RAPH1: variants seen among roughly 807,000 people sequenced by gnomAD.
RAPH1 encodes ras-associated and pleckstrin homology domains-containing protein 1.
RAPH1 carries 18 observed loss-of-function variants against 88.1 expected under a neutral mutation model. That is an observed-to-expected ratio of 0.20 (90% confidence interval 0.14 to 0.30). The LOEUF is 0.30. Among genes scored for constraint, RAPH1 ranks in the 10% least tolerant of loss-of-function variants. The probability of loss-of-function intolerance (pLI) is 1.00; values close to 1 mark genes in which losing one functional copy is unlikely to be tolerated. For synonymous variants in RAPH1, 587 were observed against 559.0 expected (o/e 1.05, Z -0.71); for missense variants, 1,448 against 1,543.2 (o/e 0.94, Z 1.03).
intron 1 of RAPH1, 63 bp from the exon 2 acceptor site, chr2:203,495,416 CCA>C: frequency 6.5e-7 from 1 of 1,535,884 alleles, no homozygotes; most frequent in Admixed American, 1.7e-5. Context: ...AAAAATTATG[CCA>C]TATATGCTCT....
At position 203,436,239 on chromosome 2, in the gene RAPH1, T is replaced by C. The variant is rs2098498391; in HGVS notation, c.*3198A>G. 1 of 152,244 alleles carries C rather than the reference T, an allele frequency of 6.6e-6. No homozygotes were observed. 9.4% of individuals were successfully genotyped at this position (152,244 alleles called of 1,614,324 possible). On this transcript the variant is annotated 3_prime_UTR_variant, in exon 14 of 14. Transcript: ENST00000319170. Reference sequence around the variant, plus strand: ...GAGGACTATAAAACGCCATGTTTACTTTGTTTGAAATTTTCTGATGAAAAG... The same window carrying C: ...GAGGACTATAAAACGCCATGTTTACCTTGTTTGAAATTTTCTGATGAAAAG...
chr2:203,534,481 C>G (rs193065144), intron 1 of RAPH1, among the ~76,000 whole-genome samples: 3 of 135,072 alleles, frequency 2.2e-5, no homozygotes, highest in Non-Finnish European at 4.6e-5. Flanking sequence ...CATCCTAATA[C>G]TATCACACTG....
Position 203,530,151 on chromosome 2 carries a change from G to A in RAPH1, c.-1+4960C>T, listed in dbSNP as rs1225311971. 2.0e-5 allele frequency among the ~76,000 whole-genome samples: 3 copies of A among 152,246 alleles called. No homozygotes were observed. The East Asian group carries it at 5.8e-4, about 29-fold the overall frequency. ...TATAGTTTAAGACATCTGCCTTAAA[G>A]CATGAAAAATACCTTAATAGCAAGA... is the stretch of plus-strand genomic sequence containing the variant. On this transcript the variant is annotated intron_variant, in intron 1 of 13. Coordinates refer to ENST00000319170, the MANE Select transcript of RAPH1 (RefSeq NM_213589.3).
At chr2:203,510,396 T>A (rs1689284941) in intron 1 of RAPH1, among the ~76,000 whole-genome samples, 1 of 131,798 alleles carries the variant, frequency 7.6e-6, no homozygotes, top group Non-Finnish European at 1.6e-5. Context: ...TAGGAAGTAA[T>A]CCCTTACCAA....
Position 203,506,877 on chromosome 2 carries a change from TATAGATATATA to T in RAPH1, c.1-11535_1-11525del, listed in dbSNP as rs1689102298. On this transcript the variant is annotated intron_variant, in intron 1 of 13. Transcript: ENST00000319170. Reference sequence around the variant, plus strand: ...ATATCTATATATATATATATATATATATAGATATATATATATATATATTTTTTTTTTTTTTG... The same window carrying T: ...ATATCTATATATATATATATATATATTATATATATATTTTTTTTTTTTTTG... 1.9e-4 allele frequency among the ~76,000 whole-genome samples: 18 copies of T among 93,374 alleles called. 1 individual carries two copies. Among genetic ancestry groups the T allele is most frequent in the African/African-American group, 8.5e-4 (18 of 21,074 alleles). 61.3% of individuals were successfully genotyped at this position (93,374 alleles called of 152,430 possible).
In RAPH1 at chr2:203,506,842, A is replaced by ATC. The variant is rs1174789704; in HGVS notation, c.1-11490_1-11489insGA. On this transcript the variant is annotated intron_variant, in intron 1 of 13. Coordinates refer to ENST00000319170, the MANE Select transcript of RAPH1 (RefSeq NM_213589.3). ...TATCTATATATATATCTATATCTAT[A>ATC]TATCTATCTATATCTATATATATAT... Among the ~76,000 whole-genome samples, 59 of 48,614 alleles carry ATC rather than the reference A, an allele frequency of 1.2e-3. 1 individual carries two copies. The highest frequency in any genetic ancestry group is 2.1e-3 in the Non-Finnish European group (47 of 22,470). 31.9% of individuals were successfully genotyped at this position (48,614 alleles called of 152,430 possible).
At chr2:203,518,974 A>G (rs962167603) in intron 1 of RAPH1, among the ~76,000 whole-genome samples, 9 of 152,226 alleles carry the variant, frequency 5.9e-5, no homozygotes, top group African/African-American at 2.2e-4. Flanking sequence ...CAATCTGAAT[A>G]GGCCTGTACC....
intron 2 of RAPH1, among the ~76,000 whole-genome samples, chr2:203,494,772 G>T (rs907995454): frequency 7.0e-6 from 1 of 142,766 alleles, no homozygotes; most frequent in African/African-American, 2.6e-5. Context: ...TTGCGCCACT[G>T]CACTCCAGCC....
Position 203,437,243 on chromosome 2 carries a change from T to C in RAPH1, c.*2194A>G, listed in dbSNP as rs1184229586. On this transcript the variant is annotated 3_prime_UTR_variant, in exon 14 of 14. Transcript: ENST00000319170. Reference sequence around the variant, plus strand: ...AAAAAAGGTTAGCGGGTACATTTTTTCCCCCTCAAGAAAAACTGAAGTGTT... The same window carrying C: ...AAAAAAGGTTAGCGGGTACATTTTTCCCCCCTCAAGAAAAACTGAAGTGTT... 1.3e-5 allele frequency: 2 copies of C among 152,126 alleles called. No individual in the cohort carries two copies. Among genetic ancestry groups the C allele is most frequent in the East Asian group, 1.9e-4 (1 of 5,200 alleles). The allele number at this position is 152,126 out of a possible 1,614,324, so 9.4% of individuals were successfully genotyped here.
chr2:203,521,395 T>TA (rs1283805768), intron 1 of RAPH1, among the ~76,000 whole-genome samples: 2 of 152,172 alleles, frequency 1.3e-5, no homozygotes, highest in African/African-American at 4.8e-5. Flanking sequence ...ATATTGTTTA[T>TA]ATAAAATTCA....
At chr2:203,489,347 A>G (rs1405513444) in intron 4 of RAPH1, among the ~76,000 whole-genome samples, 1 of 152,214 alleles carries the variant, frequency 6.6e-6, no homozygotes, top group East Asian at 1.9e-4. Context: ...GCCATTCAAG[A>G]ACTTCCAAAT....
rs2098511629 is a variant in RAPH1 at position 203,448,121 on chromosome 2, A to AG, written c.1513-43dup. On this transcript the variant is annotated intron_variant, in intron 11 of 13. Transcript: ENST00000319170. The surrounding 1 kb of genome is among the most constrained non-coding windows in gnomAD (Gnocchi z 4.1). ...AAATGGTGACATCTAAACTTTACTGAGTATGATACAGAAGGATAAGGTGAA... is the reference window on the plus strand; with the variant it reads ...AAATGGTGACATCTAAACTTTACTGAGGTATGATACAGAAGGATAAGGTGAA... The AG allele has an allele frequency of 2.5e-6, 4 of 1,596,810 alleles. No individual in the cohort carries two copies. Among genetic ancestry groups the AG allele is most frequent in the Non-Finnish European group, 3.4e-6 (4 of 1,167,984 alleles).
rs147629746 is a variant in RAPH1 at position 203,440,455 on chromosome 2, G to A, written c.2735C>T (p.Pro912Leu). ...AGGGGGAGGAGGGAAGTCCGGAGAA[G>A]GGACTGGGATGGAGCTGGGCTGCCA... Reference protein sequence around the residue: ...PKWQPSSIPVPSPDFPPPPPE... With the variant: ...PKWQPSSIPVLSPDFPPPPPE... Residue 912 changes from proline (P) to leucine (L), a missense_variant, in exon 14 of 14, where the codon CCT becomes CTT. Around this residue, in one of 2 missense-constraint regions of RAPH1, gnomAD observed 935 missense variants for 890.1 expected, o/e 1.05. Coordinates refer to ENST00000319170, the MANE Select transcript of RAPH1 (RefSeq NM_213589.3). 4.1e-5 allele frequency: 64 copies of A among 1,542,970 alleles called. 1 individual carries two copies. The East Asian group carries it at 1.2e-3, about 29-fold the overall frequency.
intron 1 of RAPH1, among the ~76,000 whole-genome samples, chr2:203,523,709 C>T (rs1026686276): frequency 1.1e-4 from 16 of 151,958 alleles, no homozygotes; most frequent in African/African-American, 3.9e-4. Flanking sequence ...TGAAAAACAC[C>T]ATTAAAAAAA....
At chr2:203,517,119 AC>A (rs1689649613) in intron 1 of RAPH1, among the ~76,000 whole-genome samples, 1 of 152,052 alleles carries the variant, frequency 6.6e-6, no homozygotes, top group Non-Finnish European at 1.5e-5. Context: ...TCTACAAGAA[AC>A]CCACTTTAAT....
rs150499937 is a variant in RAPH1 at position 203,441,562 on chromosome 2, T to C, written c.1777-149A>G. On this transcript the variant is annotated intron_variant, in intron 13 of 13. Coordinates refer to ENST00000319170, the MANE Select transcript of RAPH1 (RefSeq NM_213589.3). Reference sequence around the variant, plus strand: ...CAGAAGTTGGTGGTGATCATAAAGATGGACAATGTCAGGAAGGCTAAAATC... The same window carrying C: ...CAGAAGTTGGTGGTGATCATAAAGACGGACAATGTCAGGAAGGCTAAAATC... 249 of 1,371,424 alleles carry C rather than the reference T, an allele frequency of 1.8e-4. No individual in the cohort carries two copies. In the African/African-American group the frequency reaches 3.2e-3, roughly 18 times the overall value. The allele number at this position is 1,371,424 out of a possible 1,614,324, so 85.0% of individuals were successfully genotyped here. A position where few individuals can be genotyped will look rare whatever the true frequency, so the allele number is the denominator to read the frequency against.
intron 4 of RAPH1, among the ~76,000 whole-genome samples, chr2:203,474,563 T>C (rs2098535746): frequency 6.6e-6 from 1 of 152,218 alleles, no homozygotes; most frequent in South Asian, 2.1e-4. Flanking sequence ...TCTTTTGTTC[T>C]GAGCTTACAA....
chr2:203,470,201 G>C (rs768856274), intron 4 of RAPH1: 1 of 1,316,374 alleles, frequency 7.6e-7, no homozygotes, highest in Non-Finnish European at 1.1e-6. Flanking sequence ...CTACCTACAA[G>C]GCAGTAAATA....
At chr2:203,522,261 TG>T (rs1689911155) in intron 1 of RAPH1, among the ~76,000 whole-genome samples, 1 of 152,240 alleles carries the variant, frequency 6.6e-6, no homozygotes, top group Non-Finnish European at 1.5e-5. Flanking sequence ...TGTTATCATA[TG>T]GAAAAATCTC....
Sources: gnomAD v4.1 joint callset for allele counts (sites outside exome capture counted in the v4.1 genomes callset) on GRCh38, gnomAD v4.1.1 for gene constraint, gnomAD v4.1.1 regional missense constraint, Gnocchi (gnomAD v3.1) non-coding constraint, MANE v1.5 for transcripts, NCBI Gene and HGNC (gene_info 2026-07-23, HGNC 2026-07-21) for gene names.